The following TMEM25 variants were observed in gnomAD, a reference collection of about 807,000 sequenced individuals.
TMEM25 encodes 0610039J01Rik.
Under a neutral mutation model 37.0 loss-of-function variants are expected in TMEM25, and 36 were observed. The ratio of observed to expected loss-of-function variants is 0.97; its 90% CI spans 0.75 to 1.28. The LOEUF (loss-of-function observed/expected upper bound fraction) is 1.28, where lower values mean the gene tolerates loss of function less well. Ranked by LOEUF, TMEM25 falls within the 50% of genes most tolerant of loss-of-function variation. The pLI, the probability that TMEM25 is intolerant of heterozygous loss-of-function variation, is 0.00. For missense variants in TMEM25, 444 were observed against 477.9 expected (o/e 0.93, Z 0.66); for synonymous variants, 197 against 203.7 (o/e 0.97, Z 0.28).
chr11:118,532,087 C>T (rs1555058892), intron 2 of TMEM25, 63 bp from the exon 3 acceptor site: 1 of 1,458,372 alleles, frequency 6.9e-7, no homozygotes, highest in Non-Finnish European at 9.1e-7. Flanking sequence ...GGGCCAATTC[C>T]TGGTCACAGC....
chr11:118,531,807 G>A lies in TMEM25; in HGVS notation c.6G>A (p.Ala2=). The change falls in exon 2 of 9, where the codon GCG becomes GCA. Residue 2 remains alanine, a synonymous_variant. Transcript: ENST00000313236. The part of the protein sequence containing the change: M[A]LPPGPAALRH... ...GGGCCTAGGCCCGGGCCACCATGGC[G>A]CTGCCTCCAGGCCCAGCCGCCCTCC... The A allele has an allele frequency of 1.3e-6, 2 of 1,550,608 alleles. No individual in the cohort carries two copies. Among genetic ancestry groups the A allele is most frequent in the Non-Finnish European group, 1.7e-6 (2 of 1,146,868 alleles).
intron 3 of TMEM25, 175 bp from the exon 4 acceptor site, chr11:118,532,742 T>C (rs1555059954): frequency 1.0e-6 from 1 of 954,422 alleles, no homozygotes; most frequent in Admixed American, 2.6e-5. Flanking sequence ...GGCTCTAGTA[T>C]TTACACTCAT....
At position 118,532,373 on chromosome 11, in the gene TMEM25, C is replaced by T. The variant is rs368759722; in HGVS notation, c.294C>T (p.Ala98=). 3 of 1,614,182 alleles carry T rather than the reference C, an allele frequency of 1.9e-6. No homozygotes were observed. The highest frequency in any genetic ancestry group is 2.5e-6 in the Non-Finnish European group (3 of 1,180,014). The stretch of plus-strand genomic sequence containing the variant: ...GCACCAGCACCTTCACTGTCACTGC[C>T]CATCGGGCCCAGCATGAGCTCAACT... ...SGGTSTFTVT[A]HRAQHELNCS... The change falls in exon 3 of 9, where the codon GCC becomes GCT. Residue 98 remains alanine, a synonymous_variant. Transcript: ENST00000313236.
intron 8 of TMEM25, among the ~76,000 whole-genome samples, chr11:118,543,287 G>A (rs1463512091): frequency 6.6e-6 from 1 of 152,136 alleles, no homozygotes; most frequent in Non-Finnish European, 1.5e-5. Context: ...GTAAGAAACA[G>A]TTCCTCTCCT....
At chr11:118,547,177 C>T (rs1951706657), downstream of TMEM25, 1 of 152,168 alleles carries the variant, frequency 6.6e-6, no homozygotes, top group South Asian at 2.1e-4. Flanking sequence ...TTTCCAAATT[C>T]TGTGTGTTTA....
chr11:118,541,128 A>T (rs1478893204), intron 8 of TMEM25, among the ~76,000 whole-genome samples: 2 of 152,158 alleles, frequency 1.3e-5, no homozygotes, highest in African/African-American at 4.8e-5. Flanking sequence ...TTAAAAACTG[A>T]TCAAATGTTA....
At position 118,531,781 on chromosome 11, in the gene TMEM25, A is replaced by G. The variant is rs956360167; in HGVS notation, c.-21A>G. On this transcript the variant is annotated 5_prime_UTR_variant, in exon 2 of 9. Transcript: ENST00000313236. ...GCCCGCCCCCTTCTCTCAGCAGCCT[A>G]GGGCCTAGGCCCGGGCCACCATGGC... The G allele has an allele frequency of 5.8e-6, 9 of 1,548,126 alleles. No individual in the cohort carries two copies. The highest frequency in any genetic ancestry group is 7.9e-6 in the Non-Finnish European group (9 of 1,145,954).
chr11:118,541,232 G>T (rs1260324919), intron 8 of TMEM25, among the ~76,000 whole-genome samples: 1 of 152,076 alleles, frequency 6.6e-6, no homozygotes, highest in Non-Finnish European at 1.5e-5. Flanking sequence ...GGAGGCCAAG[G>T]CGGGCGGATC....
Position 118,535,523 on chromosome 11 carries a change from A to G in TMEM25, c.*943A>G, listed in dbSNP as rs1445806388. The G allele has an allele frequency of 1.3e-6, 2 of 1,533,860 alleles. No homozygotes were observed. The highest frequency in any genetic ancestry group is 1.7e-6 in the Non-Finnish European group (2 of 1,145,606). On this transcript the variant is annotated 3_prime_UTR_variant, in exon 9 of 9. Coordinates refer to ENST00000313236, the MANE Select transcript of TMEM25 (RefSeq NM_032780.4). ...TTTCTCTCAGCATGTCTCCTCCACC[A>G]CGGGACCCCAGCCCTGACCAACCCA... is the stretch of plus-strand genomic sequence containing the variant.
At chr11:118,541,887 A>G (rs1479174005) in intron 8 of TMEM25, among the ~76,000 whole-genome samples, 1 of 152,184 alleles carries the variant, frequency 6.6e-6, no homozygotes, top group Non-Finnish European at 1.5e-5. Context: ...CCTCTCGAGT[A>G]GCTGGGACCA....
rs781865560 is a variant in TMEM25, at chr11:118,534,060, C to T, written c.868C>T (p.Arg290Cys). The T allele has an allele frequency of 5.0e-5, 80 of 1,614,002 alleles. No individual in the cohort carries two copies. Among genetic ancestry groups the T allele is most frequent in the Middle Eastern group, 3.3e-4 (2 of 6,084 alleles). Reference sequence around the variant, plus strand: ...CAACAACCTAAAACTCAACAACGTGCGCCTGCCACGGGAGAACATGTCCCT... The same window carrying T: ...CAACAACCTAAAACTCAACAACGTGTGCCTGCCACGGGAGAACATGTCCCT... ...DSNNLKLNNV[R>C]LPRENMSLPS... is the part of the protein sequence containing the mutation. Residue 290 changes from arginine (R) to cysteine (C), a missense_variant, in exon 7 of 9, where the codon CGC becomes TGC. Arg to Cys is a radical substitution (Grantham distance 180). Coordinates refer to ENST00000313236, the MANE Select transcript of TMEM25 (RefSeq NM_032780.4). The surrounding 1 kb of genome is among the most constrained non-coding windows in gnomAD (Gnocchi z 4.6).
At chr11:118,533,572 GCAGT>G in intron 5 of TMEM25, 21 bp downstream of exon 5, 1 of 1,613,630 alleles carries the variant, frequency 6.2e-7, no homozygotes, top group Non-Finnish European at 8.5e-7. Context: ...GACACTGGGG[GCAGT>G]GTGGATGAGG....
intron 3 of TMEM25, 140 bp downstream of exon 3, chr11:118,532,601 C>T: frequency 1.0e-6 from 1 of 988,838 alleles, no homozygotes; most frequent in Non-Finnish European, 1.4e-6. Context: ...TCTGAGTAAC[C>T]CCATGAGGTC....
intron 5 of TMEM25, 66 bp from the exon 6 acceptor site, chr11:118,533,791 A>G (rs1951409252): frequency 1.1e-5 from 17 of 1,612,116 alleles, no homozygotes; most frequent in Non-Finnish European, 1.4e-5. Context: ...CTGGGTCTGA[A>G]AGGGTAGGAC....
intron 8 of TMEM25, chr11:118,544,868 G>A (rs181628467): frequency 7.5e-7 from 1 of 1,329,438 alleles, no homozygotes; most frequent in South Asian, 1.2e-5. Context: ...CATCTCAGCT[G>A]GGGCAGAGGG....
intron 8 of TMEM25, chr11:118,545,733 C>A: frequency 2.6e-6 from 4 of 1,542,650 alleles, no homozygotes. Context: ...ACAAGCCTGT[C>A]CAAAAGCCTA....
At chr11:118,544,951 G>C (rs1191116910) in intron 8 of TMEM25, 5 of 1,613,624 alleles carry the variant, frequency 3.1e-6, no homozygotes, top group Non-Finnish European at 4.2e-6. Context: ...TCTCCAGCTT[G>C]GGAGGTGGAA....
chr11:118,537,780 G>A (rs1951529994), downstream of TMEM25, among the ~76,000 whole-genome samples: 1 of 152,144 alleles, frequency 6.6e-6, no homozygotes, highest in South Asian at 2.1e-4. Flanking sequence ...GCCGGGTGTG[G>A]TGACTCATAC....
downstream of TMEM25, among the ~76,000 whole-genome samples, chr11:118,538,124 A>G (rs1555064212): frequency 1.3e-5 from 2 of 152,164 alleles, no homozygotes; most frequent in Non-Finnish European, 2.9e-5. Context: ...ATATAAGAGT[A>G]TAAGAGTTCC....
Sources: gnomAD v4.1 joint callset for allele counts (sites outside exome capture counted in the v4.1 genomes callset) on GRCh38, gnomAD v4.1.1 for gene constraint, Gnocchi (gnomAD v3.1) non-coding constraint, MANE v1.5 for transcripts, NCBI Gene and HGNC (gene_info 2026-07-23, HGNC 2026-07-21) for gene names.